The following ADD1 variants were observed in gnomAD, a reference collection of about 807,000 sequenced individuals.
ADD1 encodes the protein adducin 1.
A neutral mutation model predicts 80.5 loss-of-function variants in ADD1; 24 were observed. That is an observed-to-expected ratio of 0.30 (90% CI 0.22 to 0.42). The LOEUF (loss-of-function observed/expected upper bound fraction) is 0.42. Ranked by LOEUF, ADD1 falls within the 10% of genes least tolerant of loss-of-function variation. ADD1 has a pLI of 1.00. For synonymous variants in ADD1, 373 were observed against 393.8 expected (o/e 0.95, Z 0.63); for missense variants, 948 against 1,019.0 (o/e 0.93, Z 0.95).
At chr4:2,916,968 G>A (rs534502458) in intron 14 of ADD1, among the ~76,000 whole-genome samples, 7 of 152,108 alleles carry the variant, frequency 4.6e-5, no homozygotes, top group Non-Finnish European at 8.8e-5. Flanking sequence ...CAACTCTTTC[G>A]TATTGTGCAT....
chr4:2,844,139 C>A, intron 1 of ADD1, 115 bp downstream of exon 1: 1 of 142,092 alleles, frequency 7.0e-6, no homozygotes, highest in South Asian at 1.9e-4. Context: ...TGCGGCGGCC[C>A]GGGCAGCCTC....
chr4:2,860,214 TTGTG>T (rs1294942234), intron 1 of ADD1, among the ~76,000 whole-genome samples: 1 of 152,180 alleles, frequency 6.6e-6, no homozygotes, highest in Non-Finnish European at 1.5e-5. Context: ...TGGGAGTTGT[TTGTG>T]TGAGCTTTAG....
intron 6 of ADD1, among the ~76,000 whole-genome samples, chr4:2,897,140 A>G (rs896846144): frequency 2.6e-5 from 4 of 152,122 alleles, no homozygotes; most frequent in Admixed American, 2.0e-4. Flanking sequence ...AAGGAGTTAA[A>G]TGTGGTATTG....
Position 2,891,286 on chromosome 4 carries a change from CT to C in ADD1, c.511-2726del, listed in dbSNP as rs1486315051. Among the ~76,000 whole-genome samples, 5 of 151,998 alleles carry C rather than the reference CT, an allele frequency of 3.3e-5. No homozygotes were observed. The East Asian group carries it at 9.7e-4, about 29-fold the overall frequency. On this transcript the variant is annotated intron_variant, in intron 4 of 15. Coordinates refer to ENST00000683351, the MANE Select transcript of ADD1 (RefSeq NM_001354761.2). ...TGGCTGACGTGGTGAAACCCCGTCT[CT>C]ACTAAAAATACAGAAATTAGCTGGG...
rs1396786064 is a variant in ADD1, at chr4:2,894,066, T to C, written c.564T>C (p.Leu188=). ...EHFLIVPFGL[L]YSEVTASSLV... ...TCCTCATTGTCCCTTTTGGGCTTCTTTACAGTGAAGTGACTGCATCCAGTT... is the reference window on the plus strand; with the variant it reads ...TCCTCATTGTCCCTTTTGGGCTTCTCTACAGTGAAGTGACTGCATCCAGTT... Residue 188 remains leucine, a synonymous_variant, in exon 5 of 16, where the codon CTT becomes CTC. Coordinates refer to ENST00000683351, the MANE Select transcript of ADD1 (RefSeq NM_001354761.2). 5 of 1,614,042 alleles carry C rather than the reference T, an allele frequency of 3.1e-6. No individual in the cohort carries two copies. Among genetic ancestry groups the C allele is most frequent in the African/African-American group, 1.3e-5 (1 of 74,930 alleles).
At position 2,897,818 on chromosome 4, in the gene ADD1, G is replaced by A. The variant is rs572093718; in HGVS notation, c.742-366G>A. 2.8e-4 allele frequency among the ~76,000 whole-genome samples: 42 copies of A among 152,228 alleles called. No individual in the cohort carries two copies. In the South Asian group the frequency reaches 8.5e-3, roughly 31 times the overall value. ...ATTACAGGTGTGAGCCACCATACCT[G>A]ATGGGAAGCCTTCTTTTGAAATGCA... is the stretch of plus-strand genomic sequence containing the variant. On this transcript the variant is annotated intron_variant, in intron 6 of 15. Coordinates refer to ENST00000683351, the MANE Select transcript of ADD1 (RefSeq NM_001354761.2).
At position 2,928,593 on chromosome 4, in the gene ADD1, C is replaced by A; in HGVS notation, c.*70C>A. On this transcript the variant is annotated 3_prime_UTR_variant, in exon 16 of 16. Coordinates refer to ENST00000683351, the MANE Select transcript of ADD1 (RefSeq NM_001354761.2). ...GCCAGCGTCCCCGGCCACGTCTGTGCTCTGTCCTTGTGTAATGGAATGCAA... is the reference window on the plus strand; with the variant it reads ...GCCAGCGTCCCCGGCCACGTCTGTGATCTGTCCTTGTGTAATGGAATGCAA... 1 of 1,515,032 alleles carries A rather than the reference C, an allele frequency of 6.6e-7. No homozygotes were observed. The highest frequency in any genetic ancestry group is 1.4e-5 in the African/African-American group (1 of 71,280). 93.8% of individuals were successfully genotyped at this position (1,515,032 alleles called of 1,614,324 possible).
intron 6 of ADD1, among the ~76,000 whole-genome samples, chr4:2,895,097 A>C (rs371392652): frequency 3.8e-4 from 57 of 151,852 alleles, no homozygotes; most frequent in African/African-American, 1.3e-3. Context: ...CCGTCTGTAC[A>C]AAAAAAATTA....
At chr4:2,905,226 T>C in intron 10 of ADD1, 118 bp downstream of exon 10, 3 of 913,392 alleles carry the variant, frequency 3.3e-6, no homozygotes, top group South Asian at 3.2e-5. Flanking sequence ...ACCTTCCTTA[T>C]TCACTTTCTT....
chr4:2,899,535 C>G, intron 9 of ADD1, 100 bp downstream of exon 9: 1 of 1,285,160 alleles, frequency 7.8e-7, no homozygotes, highest in Non-Finnish European at 1.1e-6. Context: ...TATGCAGTAT[C>G]TGAATACCTT....
At chr4:2,858,936 A>G (rs1291421431) in intron 1 of ADD1, among the ~76,000 whole-genome samples, 1 of 152,188 alleles carries the variant, frequency 6.6e-6, no homozygotes. Flanking sequence ...GGAACATATC[A>G]CCGAGTGTAT....
chr4:2,898,380 C>A, intron 7 of ADD1, 53 bp downstream of exon 7: 1 of 1,613,902 alleles, frequency 6.2e-7, no homozygotes, highest in South Asian at 1.1e-5. Context: ...AAGAATAAAG[C>A]AAAGGACCAG....
chr4:2,859,438 A>G (rs905599580), intron 1 of ADD1, among the ~76,000 whole-genome samples: 22 of 152,258 alleles, frequency 1.4e-4, no homozygotes, highest in South Asian at 6.2e-4. Flanking sequence ...GTAGAAATAA[A>G]TACATCAAGA....
At chr4:2,850,607 A>G (rs889973027) in intron 1 of ADD1, among the ~76,000 whole-genome samples, 2 of 152,182 alleles carry the variant, frequency 1.3e-5, no homozygotes, top group African/African-American at 4.8e-5. Flanking sequence ...TTGTATTTTT[A>G]GTAGAGATGG....
intron 14 of ADD1, among the ~76,000 whole-genome samples, chr4:2,915,828 G>T (rs968237609): frequency 2.0e-5 from 3 of 152,132 alleles, no homozygotes; most frequent in African/African-American, 7.2e-5. Context: ...AAATTGCAAA[G>T]TTAGGCACAC....
chr4:2,876,257 GAATTCAGTTCAGTTC>G (rs1374399905), intron 2 of ADD1, 147 bp downstream of exon 2: 1 of 660,096 alleles, frequency 1.5e-6, no homozygotes, highest in East Asian at 3.0e-5. Context: ...GTTGTTGAAA[GAATTCAGTTCAGTTC>G]ATGTTATCAG....
intron 13 of ADD1, among the ~76,000 whole-genome samples, chr4:2,910,254 C>T (rs1195262674): frequency 1.3e-5 from 2 of 151,888 alleles, no homozygotes; most frequent in African/African-American, 4.8e-5. Flanking sequence ...ATTTCCAGAA[C>T]TGTCTCTTTC....
chr4:2,849,411 T>G (rs1726732382), intron 1 of ADD1, among the ~76,000 whole-genome samples: 1 of 152,182 alleles, frequency 6.6e-6, no homozygotes, highest in African/African-American at 2.4e-5. Flanking sequence ...CATCTAGGCC[T>G]TGGGCCCAGG....
At position 2,894,007 on chromosome 4, in the gene ADD1, C is replaced by T. The variant is rs752610041; in HGVS notation, c.511-6C>T. On this transcript the variant is annotated splice_region_variant and splice_polypyrimidine_tract_variant and intron_variant, in intron 4 of 15. Transcript: ENST00000683351. ...CTTTGAGCTAATTCAGTCATTTTCCCCACAGACCAGAGTGAACTCCGAGCA... is the reference window on the plus strand; with the variant it reads ...CTTTGAGCTAATTCAGTCATTTTCCTCACAGACCAGAGTGAACTCCGAGCA... 6 of 1,613,352 alleles carry T rather than the reference C, an allele frequency of 3.7e-6. No homozygotes were observed. The highest frequency in any genetic ancestry group is 4.5e-5 in the East Asian group (2 of 44,894).
Sources: gnomAD v4.1 joint callset for allele counts (sites outside exome capture counted in the v4.1 genomes callset) on GRCh38, gnomAD v4.1.1 for gene constraint, MANE v1.5 for transcripts, NCBI Gene and HGNC (gene_info 2026-07-23, HGNC 2026-07-21) for gene names.